Variants in PAK6 observed in about 807,000 individuals in gnomAD.
PAK6 encodes serine/threonine-protein kinase PAK 6.
In PAK6, 33 loss-of-function variants were observed where a neutral mutation model predicts 60.8. The ratio of observed to expected loss-of-function variants is 0.54; its 90% confidence interval spans 0.41 to 0.73. The LOEUF (loss-of-function observed/expected upper bound fraction) is 0.73. Ranked by LOEUF, PAK6 falls within the 30% of genes least tolerant of loss-of-function variation. The pLI, the probability that PAK6 is intolerant of heterozygous loss-of-function variation, is 0.00. For synonymous variants in PAK6, 404 were observed against 378.5 expected (o/e 1.07, Z -0.78); for missense variants, 845 against 904.1 (o/e 0.93, Z 0.84).
intron 5 of PAK6, among the ~76,000 whole-genome samples, chr15:40,269,421 C>T (rs1258483605): frequency 2.0e-5 from 3 of 152,202 alleles, no homozygotes; most frequent in Admixed American, 6.5e-5. Context: ...TGGCTCAGGG[C>T]GGGAAATGAG....
At chr15:40,275,414 T>A (rs2039430710) in intron 10 of PAK6, among the ~76,000 whole-genome samples, 1 of 150,410 alleles carries the variant, frequency 6.6e-6, no homozygotes, top group African/African-American at 2.4e-5. Context: ...GCCTCCTGAG[T>A]AGCTGGGATT....
intron 5 of PAK6, among the ~76,000 whole-genome samples, chr15:40,271,196 T>C (rs1009519426): frequency 6.6e-6 from 1 of 152,208 alleles, no homozygotes; most frequent in Non-Finnish European, 1.5e-5. Context: ...TCATGGTGCA[T>C]ATCACCGCTC....
chr15:40,247,920 C>T (rs940688662), intron 2 of PAK6, among the ~76,000 whole-genome samples: 3 of 152,124 alleles, frequency 2.0e-5, no homozygotes, highest in Non-Finnish European at 2.9e-5. Context: ...GGAGCTTTCT[C>T]CTTGGTCCCT....
intron 2 of PAK6, among the ~76,000 whole-genome samples, chr15:40,247,797 C>T (rs78237988): frequency 0.013 from 1,938 of 152,288 alleles, 41 homozygotes; most frequent in African/African-American, 0.044. Flanking sequence ...GTGAACAGAC[C>T]TGTTGGGTTG....
At chr15:40,258,809 T>TC (rs144924065) in intron 3 of PAK6, 5,107 of 136,040 alleles carry the variant, frequency 0.038, 280 homozygotes, top group African/African-American at 0.12. Context: ...GCCTTGGGCA[T>TC]CCCCCGATGC....
intron 7 of PAK6, 131 bp from the exon 8 acceptor site, chr15:40,273,215 G>C: frequency 8.1e-7 from 1 of 1,238,012 alleles, no homozygotes; most frequent in South Asian, 1.4e-5. Context: ...GCTATGGCCT[G>C]ACTGTGCTGC....
intron 2 of PAK6, among the ~76,000 whole-genome samples, chr15:40,243,033 C>G (rs1402524149): frequency 6.6e-6 from 1 of 152,196 alleles, no homozygotes; most frequent in African/African-American, 2.4e-5. Flanking sequence ...AGCGGAGCCA[C>G]AAAGCCACCA....
At chr15:40,266,040 T>A in exon 5 of PAK6, 1 of 1,606,820 alleles carries the variant, frequency 6.2e-7, no homozygotes, top group African/African-American at 1.3e-5. Flanking sequence ...GAGCCCCCAG[T>A]CTGAGCGCAC....
At chr15:40,241,362 C>T (rs1281654996) in intron 2 of PAK6, among the ~76,000 whole-genome samples, 1 of 152,182 alleles carries the variant, frequency 6.6e-6, no homozygotes, top group Non-Finnish European at 1.5e-5. Flanking sequence ...CTTCCTGAGG[C>T]TGGTTCTGGT....
At chr15:40,244,641 G>T (rs528270854) in intron 2 of PAK6, among the ~76,000 whole-genome samples, 6 of 151,964 alleles carry the variant, frequency 3.9e-5, no homozygotes, top group South Asian at 2.1e-4. Context: ...CAGGTGATCC[G>T]CCGACCTCAG....
chr15:40,274,000 C>A (rs962809996), intron 9 of PAK6, 142 bp from the exon 10 acceptor site: 8 of 949,908 alleles, frequency 8.4e-6, no homozygotes, highest in Admixed American at 1.9e-5. Flanking sequence ...GGCCACAGGG[C>A]AGGTGACCAG....
chr15:40,256,145 A>T (rs551466165), intron 3 of PAK6, among the ~76,000 whole-genome samples: 1 of 152,298 alleles, frequency 6.6e-6, no homozygotes, highest in African/African-American at 2.4e-5. Context: ...GGGTGGGTTG[A>T]GGCCAGACGT....
In PAK6 at chr15:40,272,333, CT is replaced by C; in HGVS notation, c.970del (p.Ser324ArgfsTer62). On this transcript the variant is annotated frameshift_variant, in exon 6 of 11. Coordinates refer to ENST00000560346, the Ensembl canonical transcript of PAK6. LOFTEE classifies it high-confidence loss of function. ...GTGGGGACCTTCAGCCCTCTGACCA[CT>C]TCGGATACCAGCAGCCCCCAGAAGT... The C allele has an allele frequency of 6.2e-7, 1 of 1,613,928 alleles. No individual in the cohort carries two copies. Among genetic ancestry groups the C allele is most frequent in the Non-Finnish European group, 8.5e-7 (1 of 1,180,030 alleles).
At chr15:40,252,873 G>A (rs1468107742) in intron 2 of PAK6, 2 of 1,245,104 alleles carry the variant, frequency 1.6e-6, no homozygotes, top group East Asian at 6.9e-5. Flanking sequence ...GCGGGCGCCC[G>A]CCCGGCGCGG....
chr15:40,276,313 T>C (rs763496646), exon 11 of PAK6: 1 of 569,144 alleles, frequency 1.8e-6, no homozygotes, highest in Non-Finnish European at 3.1e-6. Flanking sequence ...GACCCCTTTC[T>C]ACAGGATGAC....
exon 5 of PAK6, chr15:40,266,175 C>G (rs1387943473): frequency 6.2e-7 from 1 of 1,609,062 alleles, no homozygotes; most frequent in African/African-American, 1.3e-5. Flanking sequence ...GGCACAGTCC[C>G]TGGGCCCCGC....
intron 2 of PAK6, chr15:40,252,876 C>T (rs2038724754): frequency 1.6e-6 from 2 of 1,239,682 alleles, no homozygotes; most frequent in South Asian, 1.4e-5. Flanking sequence ...GGCGCCCGCC[C>T]GGCGCGGGGC....
At chr15:40,275,795 G>A (rs2039439509) in intron 10 of PAK6, 132 bp from the exon 11 acceptor site, 2 of 790,196 alleles carry the variant, frequency 2.5e-6, no homozygotes, top group Non-Finnish European at 4.1e-6. Flanking sequence ...TGAGGGGGTG[G>A]GGAGGGACAA....
chr15:40,264,240 CA>C (rs1176998419), intron 3 of PAK6, among the ~76,000 whole-genome samples: 2 of 151,318 alleles, frequency 1.3e-5, no homozygotes, highest in African/African-American at 2.4e-5. Context: ...AAAAAGCCAA[CA>C]AAAAAATAAC....
Sources: allele counts gnomAD v4.1 joint callset (sites outside exome capture counted in the v4.1 genomes callset), GRCh38; gene constraint gnomAD v4.1.1; transcripts MANE v1.5; gene names NCBI Gene and HGNC (gene_info 2026-07-23, HGNC 2026-07-21).